HDAC2: variants seen among roughly 807,000 people sequenced by gnomAD.
HDAC2 encodes the protein YY1-associated factor 1.
A neutral mutation model predicts 68.5 loss-of-function variants in HDAC2; 5 were observed. The observed-to-expected ratio is 0.07, with a 90% CI of 0.04 to 0.15. The LOEUF is 0.15. Ranked by LOEUF, HDAC2 falls within the 10% of genes least tolerant of loss-of-function variation. The pLI is 1.00. For missense variants in HDAC2, 291 were observed against 600.8 expected (o/e 0.48, Z 5.39); for synonymous variants, 182 against 191.3 (o/e 0.95, Z 0.40).
intron 6 of HDAC2, among the ~76,000 whole-genome samples, chr6:113,951,527 G>C (rs568715289): frequency 6.7e-6 from 1 of 149,652 alleles, no homozygotes; most frequent in Non-Finnish European, 1.5e-5. Context: ...GAGTGCAGTG[G>C]AGCGATCTCG....
At position 113,940,812 on chromosome 6, in the gene HDAC2, T is replaced by C. The variant is rs1428720435; in HGVS notation, c.*246A>G. 15 of 378,600 alleles carry C rather than the reference T, an allele frequency of 4.0e-5. No homozygotes were observed. The East Asian group carries it at 5.7e-4, about 14-fold the overall frequency. The allele number at this position is 378,600 out of a possible 1,614,324, so 23.5% of individuals were successfully genotyped here. A position where few individuals can be genotyped will look rare whatever the true frequency, so the allele number is the denominator to read the frequency against. On this transcript the variant is annotated 3_prime_UTR_variant, in exon 14 of 14. Transcript: ENST00000519065. ...CTTTAATAGATCAGTTTTTTTGACATAATAACTCACATCAATTTTAAATAC... is the reference window on the plus strand; with the variant it reads ...CTTTAATAGATCAGTTTTTTTGACACAATAACTCACATCAATTTTAAATAC...
chr6:113,957,485 C>CG (rs1776582254), intron 3 of HDAC2, among the ~76,000 whole-genome samples: 1 of 145,748 alleles, frequency 6.9e-6, no homozygotes, highest in African/African-American at 2.5e-5. Context: ...AGATCATAAT[C>CG]TTTTTTTTTT....
At chr6:113,964,931 C>G (rs1189338344) in intron 1 of HDAC2, among the ~76,000 whole-genome samples, 1 of 152,200 alleles carries the variant, frequency 6.6e-6, no homozygotes, top group Non-Finnish European at 1.5e-5. Flanking sequence ...TCTAATCCAT[C>G]AAAAAGTTCT....
intron 6 of HDAC2, among the ~76,000 whole-genome samples, chr6:113,950,933 A>G (rs567811150): frequency 2.0e-5 from 3 of 152,298 alleles, no homozygotes; most frequent in African/African-American, 7.2e-5. Context: ...ATTTTTCTTG[A>G]AGTCTAAGTT....
At chr6:113,947,914 C>T (rs1314308124) in intron 8 of HDAC2, 1 of 152,050 alleles carries the variant, frequency 6.6e-6, no homozygotes, top group Non-Finnish European at 1.5e-5. Context: ...TGAGAATTCT[C>T]CACATCTTAG....
In HDAC2 at chr6:113,958,812, A is replaced by T. The variant is rs528146444; in HGVS notation, c.166-46T>A. 7.1e-5 allele frequency: 76 copies of T among 1,066,868 alleles called. No homozygotes were observed. In the South Asian group the frequency reaches 7.9e-4, roughly 11 times the overall value. 66.1% of individuals were successfully genotyped at this position (1,066,868 alleles called of 1,614,324 possible). A position where few individuals can be genotyped will look rare whatever the true frequency, so the allele number is the denominator to read the frequency against. On this transcript the variant is annotated intron_variant, in intron 2 of 13. Coordinates refer to ENST00000519065, the MANE Select transcript of HDAC2 (RefSeq NM_001527.4). ...CAGAACTGTGGAATTACAACCGGTT[A>T]TATCAGTATTATCAAACAAATATAC...
chr6:113,959,999 A>G lies in HDAC2; in HGVS notation c.72T>C (p.Tyr24=). ...YYYDGDIGNY[Y]YGQGHPMKPH... ...GCTTCATGGGATGACCCTGTCCATA[A>G]TAATAATTTCCAATATCACCTAAAA... Residue 24 remains tyrosine (Y), a synonymous_variant, in exon 2 of 14, where the codon TAT becomes TAC. Transcript: ENST00000519065. 5.1e-6 allele frequency: 8 copies of G among 1,557,282 alleles called. No individual in the cohort carries two copies. The highest frequency in any genetic ancestry group is 7.1e-6 in the Non-Finnish European group (8 of 1,128,720).
intron 12 of HDAC2, among the ~76,000 whole-genome samples, chr6:113,942,436 A>G (rs1200752739): frequency 1.3e-5 from 2 of 151,606 alleles, no homozygotes; most frequent in Admixed American, 6.6e-5. Flanking sequence ...CTAGTTTAAA[A>G]AAAAAAAAAA....
rs968755057 is a variant in HDAC2, at chr6:113,935,425, T to C, written c.*5633A>G. 1 of 152,174 alleles carries C rather than the reference T, an allele frequency of 6.6e-6. No homozygotes were observed. Among genetic ancestry groups the C allele is most frequent in the Non-Finnish European group, 1.5e-5 (1 of 68,026 alleles). 9.4% of individuals were successfully genotyped at this position (152,174 alleles called of 1,614,324 possible). ...CTTTAAAAGTTTTACCTGTACATCA[T>C]CCTAGTAAGTATATGGCAAGGGCAG... On this transcript the variant is annotated 3_prime_UTR_variant, in exon 14 of 14. Coordinates refer to ENST00000519065, the MANE Select transcript of HDAC2 (RefSeq NM_001527.4).
At chr6:113,951,965 T>A (rs1216640728) in intron 6 of HDAC2, among the ~76,000 whole-genome samples, 1 of 152,172 alleles carries the variant, frequency 6.6e-6, no homozygotes, top group African/African-American at 2.4e-5. Context: ...TAAACTAGCA[T>A]CACACTGCAA....
At chr6:113,967,760 A>C (rs1776857637) in intron 1 of HDAC2, among the ~76,000 whole-genome samples, 3 of 152,244 alleles carry the variant, frequency 2.0e-5, no homozygotes, top group African/African-American at 7.2e-5. Flanking sequence ...GAGAAAAATC[A>C]CATCGTTTTA....
intron 12 of HDAC2, 104 bp from the exon 13 acceptor site, chr6:113,941,869 A>T: frequency 3.0e-6 from 1 of 336,060 alleles, no homozygotes; most frequent in Non-Finnish European, 5.2e-6. Context: ...AAAGTTATGC[A>T]ATCTTATTAT....
In HDAC2 at chr6:113,943,348, G is replaced by T; in HGVS notation, c.1378+3C>A. On this transcript the variant is annotated splice_donor_region_variant and intron_variant, in intron 12 of 13. Transcript: ENST00000519065. ...AACACAATTACCAAGAAACAAATCT[G>T]ACCTGTTTTTTTGTCCTCTGTTTCT... is the stretch of plus-strand genomic sequence containing the variant. 6.3e-7 allele frequency: 1 copy of T among 1,592,470 alleles called. No individual in the cohort carries two copies. The highest frequency in any genetic ancestry group is 1.2e-5 in the South Asian group (1 of 86,782).
rs563776659 is a variant in HDAC2, at chr6:113,935,721, C to G, written c.*5337G>C. On this transcript the variant is annotated 3_prime_UTR_variant, in exon 14 of 14. Transcript: ENST00000519065. ...CTTTAACATTTAGAGTAAAAACAAT[C>G]TTAATAAAAAGAGCAAATAACAGAA... The G allele has an allele frequency of 6.6e-6, 1 of 152,236 alleles. No homozygotes were observed. The highest frequency in any genetic ancestry group is 2.1e-4 in the South Asian group (1 of 4,822). The allele number at this position is 152,236 out of a possible 1,614,324, so 9.4% of individuals were successfully genotyped here.
chr6:113,955,007 G>A (rs1776515122), intron 5 of HDAC2, among the ~76,000 whole-genome samples: 1 of 152,124 alleles, frequency 6.6e-6, no homozygotes, highest in Non-Finnish European at 1.5e-5. Context: ...TGGAAGTTAG[G>A]CAGTTAGACT....
chr6:113,969,291 A>G (rs1308758710), intron 1 of HDAC2, among the ~76,000 whole-genome samples: 2 of 152,238 alleles, frequency 1.3e-5, no homozygotes, highest in African/African-American at 2.4e-5. Flanking sequence ...ATCGCAGATC[A>G]ATTTAGATTT....
In HDAC2 at chr6:113,946,096, C is replaced by G; in HGVS notation, c.894G>C (p.Met298Ile). ...VVKTFNLPLL[M>I]LGGGGYTIRN... ...GGATTGTGTAGCCACCTCCTCCAAG[C>G]ATCAGTAATGGTAAGTTAAAAGTTT... The change falls in exon 9 of 14, where the codon ATG becomes ATC. Residue 298 changes from methionine to isoleucine, a missense_variant. Transcript: ENST00000519065. The G allele has an allele frequency of 6.2e-7, 1 of 1,612,600 alleles. No individual in the cohort carries two copies. Among genetic ancestry groups the G allele is most frequent in the Non-Finnish European group, 8.5e-7 (1 of 1,178,624 alleles).
At chr6:113,970,752 C>T in intron 1 of HDAC2, 105 bp downstream of exon 1, 1 of 1,423,992 alleles carries the variant, frequency 7.0e-7, no homozygotes, top group Non-Finnish European at 9.1e-7. Flanking sequence ...AATGTCGGTC[C>T]CTCCTCCTTC....
Position 113,968,051 on chromosome 6 carries a change from T to C in HDAC2, c.52+2806A>G, listed in dbSNP as rs138626322. Among the ~76,000 whole-genome samples, 288 of 152,330 alleles carry C rather than the reference T, an allele frequency of 1.9e-3. 3 individuals carry two copies. The East Asian group carries it at 0.028, about 15-fold the overall frequency. On this transcript the variant is annotated intron_variant, in intron 1 of 13. Transcript: ENST00000519065. ...ATTACATAACGTGCAGAGAACAATATGTATATATTTAAAAGTTCTTTCATT... is the reference window on the plus strand; with the variant it reads ...ATTACATAACGTGCAGAGAACAATACGTATATATTTAAAAGTTCTTTCATT...
Sources: allele counts gnomAD v4.1 joint callset (sites outside exome capture counted in the v4.1 genomes callset), GRCh38; gene constraint gnomAD v4.1.1; transcripts MANE v1.5; gene names NCBI Gene and HGNC (gene_info 2026-07-23, HGNC 2026-07-21).